The following PCDHA12 variants were observed in gnomAD, a reference collection of about 807,000 sequenced individuals.
PCDHA12 encodes protocadherin alpha 12.
In PCDHA12, 44 loss-of-function variants were observed where a neutral mutation model predicts 60.0. The observed-to-expected ratio is 0.73, with a 90% confidence interval of 0.58 to 0.94. PCDHA12 has a LOEUF of 0.94. Among genes scored for constraint, PCDHA12 ranks in the 40% least tolerant of loss-of-function variants. The pLI, the probability that PCDHA12 is intolerant of heterozygous loss-of-function variation, is 0.00. For missense variants in PCDHA12, 1,276 were observed against 1,239.7 expected (o/e 1.03, Z -0.44); for synonymous variants, 569 against 553.0 (o/e 1.03, Z -0.40).
At chr5:141,004,823 TTAGA>T (rs1175791432) in intron 3 of PCDHA12, among the ~76,000 whole-genome samples, 26 of 152,314 alleles carry the variant, frequency 1.7e-4, no homozygotes, top group African/African-American at 5.8e-4. Context: ...TTTGATTAAC[TTAGA>T]TAGATCAAAG....
rs782495760 is a variant in PCDHA12 at position 141,010,201 on chromosome 5, C to T, written c.*264C>T. Reference sequence around the variant, plus strand: ...GCAGACCCAAGTTTCCTTTCTCCTCCGCCGCAAAGGAGAGGCTTCCCAGCC... The same window carrying T: ...GCAGACCCAAGTTTCCTTTCTCCTCTGCCGCAAAGGAGAGGCTTCCCAGCC... On this transcript the variant is annotated 3_prime_UTR_variant, in exon 4 of 4. Coordinates refer to ENST00000398631, the MANE Select transcript of PCDHA12 (RefSeq NM_018903.4). The T allele has an allele frequency of 1.3e-5, 20 of 1,552,034 alleles. No individual in the cohort carries two copies. The East Asian group carries it at 1.7e-4, about 13-fold the overall frequency.
chr5:140,875,501 G>A lies in PCDHA12; in HGVS notation c.29G>A (p.Gly10Glu), dbSNP rs1457273881. The change falls in exon 1 of 4, where the codon GGA becomes GAA. Residue 10 changes from glycine to glutamate, a missense_variant. Coordinates refer to ENST00000398631, the MANE Select transcript of PCDHA12 (RefSeq NM_018903.4). MVIIGPRGP[G>E]SQRLLLSLLL... ...GTGATTATCGGACCAAGAGGCCCGGGATCCCAGCGTCTGCTGCTCTCGCTT... is the reference window on the plus strand; with the variant it reads ...GTGATTATCGGACCAAGAGGCCCGGAATCCCAGCGTCTGCTGCTCTCGCTT... The A allele has an allele frequency of 1.2e-6, 2 of 1,613,368 alleles. No individual in the cohort carries two copies. The highest frequency in any genetic ancestry group is 1.7e-6 in the Non-Finnish European group (2 of 1,179,580).
rs543030376 is a variant in PCDHA12, at chr5:140,961,758, G to A, written c.2368-17191G>A. 3.3e-5 allele frequency among the ~76,000 whole-genome samples: 5 copies of A among 152,240 alleles called. No individual in the cohort carries two copies. In the South Asian group the frequency reaches 8.3e-4, roughly 25 times the overall value. On this transcript the variant is annotated intron_variant, in intron 1 of 3. Coordinates refer to ENST00000398631, the MANE Select transcript of PCDHA12 (RefSeq NM_018903.4). ...CTTTAGTAATATTACAGTTTTGAAG[G>A]AATTTATATCAAGCTTAATGGCACT...
intron 1 of PCDHA12, among the ~76,000 whole-genome samples, chr5:140,933,844 G>A (rs2089450133): frequency 6.6e-6 from 1 of 151,910 alleles, no homozygotes; most frequent in South Asian, 2.1e-4. Context: ...TTTCATTCCT[G>A]TACCTTTAAT....
chr5:140,977,872 T>A (rs1554238851), intron 1 of PCDHA12, among the ~76,000 whole-genome samples: 1 of 152,258 alleles, frequency 6.6e-6, no homozygotes, highest in African/African-American at 2.4e-5. Flanking sequence ...ATGGTAAGTA[T>A]AATGTAGAGG....
At chr5:140,968,029 GGT>G in intron 1 of PCDHA12, 1 of 1,614,170 alleles carries the variant, frequency 6.2e-7, no homozygotes, top group African/African-American at 1.3e-5. Context: ...CCTATACACT[GGT>G]GGTGAGCGGC....
chr5:140,984,666 G>T (rs769681431), intron 3 of PCDHA12, among the ~76,000 whole-genome samples: 115 of 152,058 alleles, frequency 7.6e-4, no homozygotes, highest in Admixed American at 1.2e-3. Flanking sequence ...GTACTTTTAG[G>T]TTTTTAGGAC....
chr5:140,884,335 A>G, intron 1 of PCDHA12: 1 of 1,613,888 alleles, frequency 6.2e-7, no homozygotes, highest in Non-Finnish European at 8.5e-7. Flanking sequence ...CTGTGGGTCC[A>G]GAAGCGGCGC....
In PCDHA12 at chr5:140,876,882, G is replaced by A. The variant is rs377092859; in HGVS notation, c.1410G>A (p.Pro470=). The A allele has an allele frequency of 3.2e-5, 52 of 1,614,140 alleles. 1 individual carries two copies. The African/African-American group carries it at 4.3e-4, about 13-fold the overall frequency. The change falls in exon 1 of 4, where the codon CCG becomes CCA. Residue 470 remains proline (P), a synonymous_variant. Transcript: ENST00000398631. ...YTVFVKENNP[P]GCHIFTVSAW... ...TGTTCGTGAAGGAGAACAACCCGCC[G>A]GGCTGCCACATCTTCACGGTGTCGG...
intron 1 of PCDHA12, among the ~76,000 whole-genome samples, chr5:140,945,397 A>G (rs2093784345): frequency 6.6e-6 from 1 of 152,132 alleles, no homozygotes; most frequent in Admixed American, 6.5e-5. Context: ...TACAAATTCA[A>G]TACAATTCGT....
At chr5:140,986,938 G>A (rs1025641797) in intron 3 of PCDHA12, among the ~76,000 whole-genome samples, 1 of 152,158 alleles carries the variant, frequency 6.6e-6, no homozygotes, top group African/African-American at 2.4e-5. Flanking sequence ...TGGAGGCTGG[G>A]TGTGGTCGCT....
At chr5:140,968,982 C>G in intron 1 of PCDHA12, 1 of 1,614,226 alleles carries the variant, frequency 6.2e-7, no homozygotes, top group Non-Finnish European at 8.5e-7. Flanking sequence ...GCGTATGGCA[C>G]TGCATGCTGT....
chr5:140,887,941 A>C (rs529131971), intron 1 of PCDHA12, among the ~76,000 whole-genome samples: 25 of 152,194 alleles, frequency 1.6e-4, no homozygotes, highest in Admixed American at 7.8e-4. Flanking sequence ...TTTATTTCTT[A>C]TCTGTATAAG....
intron 1 of PCDHA12, among the ~76,000 whole-genome samples, chr5:140,951,313 T>C (rs1554219855): frequency 1.3e-5 from 2 of 152,194 alleles, no homozygotes; most frequent in Non-Finnish European, 2.9e-5. Flanking sequence ...TAATGTGTTA[T>C]TCTTGAGATT....
chr5:140,998,433 C>CTA (rs2097813622), intron 3 of PCDHA12, among the ~76,000 whole-genome samples: 2 of 152,160 alleles, frequency 1.3e-5, no homozygotes, highest in Admixed American at 1.3e-4. Flanking sequence ...TCCTTTAACA[C>CTA]TATTATTGTA....
At chr5:140,879,235 A>G (rs904336289) in intron 1 of PCDHA12, among the ~76,000 whole-genome samples, 5 of 152,240 alleles carry the variant, frequency 3.3e-5, no homozygotes, top group Middle Eastern at 3.2e-3. Flanking sequence ...CATATACAAG[A>G]GGCACTGGCA....
chr5:140,941,191 TTTTCTTTCTTCCTTTCTTTCTTCC>T (rs1293685535), intron 1 of PCDHA12, among the ~76,000 whole-genome samples: 31 of 93,206 alleles, frequency 3.3e-4, no homozygotes, highest in African/African-American at 1.1e-3. Context: ...GCTTCTTTTT[TTTTCTTTCTTCCTTTCTTTCTTCC>T]TTTCTTTCTT....
chr5:140,990,535 A>T (rs1450949471), intron 3 of PCDHA12, among the ~76,000 whole-genome samples: 1 of 152,182 alleles, frequency 6.6e-6, no homozygotes, highest in African/African-American at 2.4e-5. Context: ...ACTGTGCATC[A>T]TAGATACTGT....
intron 1 of PCDHA12, among the ~76,000 whole-genome samples, chr5:140,888,353 A>G (rs907810387): frequency 1.9e-4 from 29 of 152,220 alleles, no homozygotes; most frequent in African/African-American, 6.8e-4. Context: ...GGGAATTGCT[A>G]CTGGCATCTA....
Sources: gnomAD v4.1 joint callset for allele counts (sites outside exome capture counted in the v4.1 genomes callset) on GRCh38, gnomAD v4.1.1 for gene constraint, MANE v1.5 for transcripts, NCBI Gene and HGNC (gene_info 2026-07-23, HGNC 2026-07-21) for gene names.